Variants in GRM7 observed in about 807,000 individuals in gnomAD.
GRM7 encodes metabotropic glutamate receptor 7.
In GRM7, 35 loss-of-function variants were observed where a neutral mutation model predicts 84.5. The observed-to-expected ratio is 0.41, with a 90% confidence interval of 0.32 to 0.55. The LOEUF is 0.55. Among genes scored for constraint, GRM7 ranks in the 20% least tolerant of loss-of-function variants. The probability of loss-of-function intolerance (pLI) is 0.19; values close to 1 mark genes in which losing one functional copy is unlikely to be tolerated. For synonymous variants in GRM7, 487 were observed against 455.1 expected (o/e 1.07, Z -0.89); for missense variants, 1,003 against 1,194.6 (o/e 0.84, Z 2.36).
At chr3:7,436,021 A>G (rs1487901606) in intron 5 of GRM7, among the ~76,000 whole-genome samples, 2 of 151,026 alleles carry the variant, frequency 1.3e-5, no homozygotes, top group Non-Finnish European at 3.0e-5. Flanking sequence ...TAATTTTTGT[A>G]TTTTTAGTAG....
chr3:7,206,448 TA>T (rs1254346007), intron 2 of GRM7, among the ~76,000 whole-genome samples: 1 of 152,154 alleles, frequency 6.6e-6, no homozygotes, highest in East Asian at 1.9e-4. Flanking sequence ...TACTGATGGT[TA>T]AAAAAATTTC....
In GRM7 at chr3:7,459,572, A is replaced by C. The variant is rs146080213; in HGVS notation, c.1376-2011A>C. Among the ~76,000 whole-genome samples the C allele has an allele frequency of 1.5e-3, 221 of 152,198 alleles. 2 individuals carry two copies. The highest frequency in any genetic ancestry group is 5.1e-3 in the African/African-American group (211 of 41,532). On this transcript the variant is annotated intron_variant, in intron 6 of 9. Coordinates refer to ENST00000357716, the MANE Select transcript of GRM7 (RefSeq NM_000844.4). ...CACGTCTTTACATGGTGGCGGGCAA[A>C]AGAGAATGAGAGCCAAGTGAAAGGG... is the stretch of plus-strand genomic sequence containing the variant.
intron 2 of GRM7, among the ~76,000 whole-genome samples, chr3:7,269,260 C>A (rs979859726): frequency 1.3e-5 from 2 of 152,154 alleles, no homozygotes; most frequent in African/African-American, 2.4e-5. Flanking sequence ...TGTGAGCAGA[C>A]GAAATTTAAA....
chr3:7,417,137 T>A (rs972858047), intron 5 of GRM7, among the ~76,000 whole-genome samples: 2 of 152,124 alleles, frequency 1.3e-5, no homozygotes, highest in African/African-American at 2.4e-5. Context: ...CTTACAAAAA[T>A]GGAAATAGAA....
chr3:7,551,196 G>A (rs911931461), intron 7 of GRM7, among the ~76,000 whole-genome samples: 1 of 152,158 alleles, frequency 6.6e-6, no homozygotes, highest in African/African-American at 2.4e-5. Context: ...TCCTTAAGGG[G>A]CAGAGGAAAA....
chr3:7,559,859 C>G (rs1241712531), intron 7 of GRM7, among the ~76,000 whole-genome samples: 7 of 151,980 alleles, frequency 4.6e-5, no homozygotes, highest in African/African-American at 1.5e-4. Flanking sequence ...GGTGAGGGCT[C>G]TCCTCTGGGC....
chr3:7,531,898 G>A (rs186774191), intron 7 of GRM7, among the ~76,000 whole-genome samples: 20 of 152,212 alleles, frequency 1.3e-4, no homozygotes, highest in African/African-American at 4.6e-4. Flanking sequence ...CAAAGGGAAC[G>A]CTTCCACCTT....
intron 1 of GRM7, among the ~76,000 whole-genome samples, chr3:7,086,608 A>G (rs950260634): frequency 2.6e-5 from 4 of 152,178 alleles, no homozygotes; most frequent in East Asian, 3.8e-4. Flanking sequence ...GCCAGCCTCT[A>G]GAGCTCCACA....
intron 2 of GRM7, among the ~76,000 whole-genome samples, chr3:7,157,946 G>C (rs1425446392): frequency 6.6e-6 from 1 of 152,030 alleles, no homozygotes; most frequent in Non-Finnish European, 1.5e-5. Flanking sequence ...TCGCACGCTG[G>C]GATAAGGATG....
chr3:7,153,370 A>G (rs994625805), intron 2 of GRM7, among the ~76,000 whole-genome samples: 5 of 152,060 alleles, frequency 3.3e-5, no homozygotes, highest in Admixed American at 1.3e-4. Flanking sequence ...TTTAAACTCT[A>G]TCATGGACTT....
At chr3:7,146,806 A>C (rs1286013932) in intron 2 of GRM7, 138 bp downstream of exon 2, 2 of 634,390 alleles carry the variant, frequency 3.2e-6, no homozygotes, top group Admixed American at 5.6e-5. Context: ...TGATGTCTTC[A>C]TCTGTATGAC....
intron 8 of GRM7, among the ~76,000 whole-genome samples, chr3:7,611,886 A>G (rs1267832364): frequency 6.6e-6 from 1 of 152,220 alleles, no homozygotes; most frequent in Admixed American, 6.5e-5. Flanking sequence ...TACAAAAATC[A>G]TACATGTTTT....
At chr3:6,864,487 A>G (rs1694875572) in intron 1 of GRM7, among the ~76,000 whole-genome samples, 1 of 152,198 alleles carries the variant, frequency 6.6e-6, no homozygotes, top group East Asian at 1.9e-4. Context: ...GTTCAAAGGC[A>G]CACTTAGAGG....
chr3:7,353,093 C>G (rs777365543), intron 4 of GRM7, among the ~76,000 whole-genome samples: 3 of 152,024 alleles, frequency 2.0e-5, no homozygotes, highest in Non-Finnish European at 4.4e-5. Context: ...GTGGTTGCCT[C>G]TGAGGCGGTC....
intron 4 of GRM7, among the ~76,000 whole-genome samples, chr3:7,339,753 C>T (rs1289018607): frequency 6.6e-6 from 1 of 152,016 alleles, no homozygotes. Context: ...TTGCTGAATG[C>T]TCTCTGGGTG....
intron 9 of GRM7, chr3:7,693,699 A>G (rs1700903059): frequency 2.0e-6 from 3 of 1,504,020 alleles, no homozygotes; most frequent in Admixed American, 2.0e-5. Context: ...TGAGGCAAGT[A>G]TCTGTCCTTC....
At chr3:7,645,615 A>G (rs1293536329) in intron 8 of GRM7, among the ~76,000 whole-genome samples, 1 of 151,770 alleles carries the variant, frequency 6.6e-6, no homozygotes, top group Non-Finnish European at 1.5e-5. Flanking sequence ...AAACCCACCA[A>G]ACCTAATTGA....
chr3:7,585,850 G>A (rs1005703236), intron 8 of GRM7, among the ~76,000 whole-genome samples: 2 of 152,156 alleles, frequency 1.3e-5, no homozygotes, highest in Admixed American at 6.5e-5. Flanking sequence ...CCATAACAGA[G>A]CGTGGTGTGC....
At chr3:7,107,404 A>C (rs914348927) in intron 1 of GRM7, among the ~76,000 whole-genome samples, 11 of 152,098 alleles carry the variant, frequency 7.2e-5, no homozygotes, top group Non-Finnish European at 1.3e-4. Context: ...TATATGGATG[A>C]ACATTCTTTA....
Sources: allele counts gnomAD v4.1 joint callset (sites outside exome capture counted in the v4.1 genomes callset), GRCh38; gene constraint gnomAD v4.1.1; transcripts MANE v1.5; gene names NCBI Gene and HGNC (gene_info 2026-07-23, HGNC 2026-07-21).